CENPW: variants seen among roughly 807,000 people sequenced by gnomAD.
CENPW encodes centromere protein W.
Under a neutral mutation model 11.1 loss-of-function variants are expected in CENPW, and 3 were observed. That is an observed-to-expected ratio of 0.27 (90% CI 0.12 to 0.70). The LOEUF is 0.70. CENPW is among the 30% of genes least tolerant of loss of function. CENPW has a pLI of 0.77. For synonymous variants in CENPW, 38 were observed against 42.0 expected, an observed-to-expected ratio of 0.91 and a Z score of 0.37; for missense variants, 100 against 105.6, an observed-to-expected ratio of 0.95 and a Z score of 0.23.
At chr6:126,350,313 A>G (rs866113900), downstream of CENPW, among the ~76,000 whole-genome samples, 1 of 152,056 alleles carries the variant, frequency 6.6e-6, no homozygotes, top group Admixed American at 6.6e-5. Flanking sequence ...CACAGTTTTG[A>G]TGGGCGGAAG....
chr6:126,370,608 AATT>A, the CENPW span, among the ~76,000 whole-genome samples: 57 of 152,072 alleles, frequency 3.7e-4, no homozygotes, highest in African/African-American at 1.4e-3. Context: ...TGTGTACATT[AATT>A]GTGTATCCTG....
At chr6:126,471,466 C>G in the CENPW span, among the ~76,000 whole-genome samples, 1 of 152,136 alleles carries the variant, frequency 6.6e-6, no homozygotes, top group Non-Finnish European at 1.5e-5. Context: ...AATAAATACA[C>G]TATGTATCCT....
chr6:126,387,893 T>C, the CENPW span, among the ~76,000 whole-genome samples: 1 of 151,994 alleles, frequency 6.6e-6, no homozygotes, highest in African/African-American at 2.4e-5. Flanking sequence ...TCCTGAATTC[T>C]AGACCTTATG....
At chr6:126,451,949 C>A in the CENPW span, among the ~76,000 whole-genome samples, 2 of 150,586 alleles carry the variant, frequency 1.3e-5, no homozygotes, top group Non-Finnish European at 3.0e-5. Context: ...AATAACTATA[C>A]GAAAGACTTT....
At chr6:126,373,945 C>T in the CENPW span, among the ~76,000 whole-genome samples, 22 of 152,196 alleles carry the variant, frequency 1.4e-4, no homozygotes, top group African/African-American at 4.8e-4. Flanking sequence ...TACCACATTG[C>T]CTGATTAGTG....
chr6:126,444,734 C>T, the CENPW span, among the ~76,000 whole-genome samples: 1 of 151,116 alleles, frequency 6.6e-6, no homozygotes, highest in Non-Finnish European at 1.5e-5. Context: ...TGGCATGCCT[C>T]TATTATCTAC....
the CENPW span, among the ~76,000 whole-genome samples, chr6:126,477,653 C>T: frequency 2.7e-3 from 410 of 151,980 alleles, no homozygotes; most frequent in Non-Finnish European, 4.8e-3. Flanking sequence ...AACCCTGAAA[C>T]CCAAAGAGTA....
the CENPW span, among the ~76,000 whole-genome samples, chr6:126,475,401 AT>A: frequency 2.0e-5 from 3 of 151,982 alleles, no homozygotes; most frequent in African/African-American, 2.4e-5. Flanking sequence ...ATAGATACAA[AT>A]TTTTTTAAAA....
At chr6:126,368,386 G>C in the CENPW span, among the ~76,000 whole-genome samples, 1 of 152,214 alleles carries the variant, frequency 6.6e-6, no homozygotes, top group African/African-American at 2.4e-5. Flanking sequence ...AGGAGAAGCA[G>C]ACACCGGGTA....
chr6:126,366,952 A>G, the CENPW span, among the ~76,000 whole-genome samples: 1 of 152,154 alleles, frequency 6.6e-6, no homozygotes, highest in Non-Finnish European at 1.5e-5. Context: ...GATAATTGCC[A>G]TTAATTGTTT....
At chr6:126,349,868 A>G (rs1013490577), downstream of CENPW, among the ~76,000 whole-genome samples, 2 of 151,840 alleles carry the variant, frequency 1.3e-5, no homozygotes, top group Non-Finnish European at 2.9e-5. Context: ...ATTTTTTTTA[A>G]AAGACTGAAT....
chr6:126,382,281 T>TA, the CENPW span, among the ~76,000 whole-genome samples: 8 of 151,600 alleles, frequency 5.3e-5, no homozygotes, highest in African/African-American at 1.7e-4. Flanking sequence ...TAAATGGGAT[T>TA]AAAAAATATC....
At chr6:126,345,929 C>T (rs1315538180) in intron 1 of CENPW, among the ~76,000 whole-genome samples, 1 of 152,078 alleles carries the variant, frequency 6.6e-6, no homozygotes, top group African/African-American at 2.4e-5. Context: ...GCGAATCTTA[C>T]ATACGTTTTG....
At chr6:126,350,550 A>G (rs1037889673), downstream of CENPW, among the ~76,000 whole-genome samples, 2 of 152,128 alleles carry the variant, frequency 1.3e-5, no homozygotes, top group African/African-American at 4.8e-5. Context: ...TTAGATTTCA[A>G]TGTAAGAATT....
the CENPW span, among the ~76,000 whole-genome samples, chr6:126,408,826 T>G: frequency 6.6e-6 from 1 of 152,248 alleles, no homozygotes; most frequent in East Asian, 1.9e-4. Context: ...TTATAATTTT[T>G]TTGTTTCTAA....
the CENPW span, among the ~76,000 whole-genome samples, chr6:126,426,696 A>C: frequency 6.6e-6 from 1 of 152,158 alleles, no homozygotes; most frequent in Non-Finnish European, 1.5e-5. Flanking sequence ...CTCTACTGTT[A>C]CCTCAAACAA....
the CENPW span, among the ~76,000 whole-genome samples, chr6:126,401,734 A>C: frequency 6.6e-6 from 1 of 151,948 alleles, no homozygotes; most frequent in East Asian, 1.9e-4. Context: ...TGAATCCGTC[A>C]CCAAGCCCTG....
the CENPW span, among the ~76,000 whole-genome samples, chr6:126,381,739 C>T: frequency 2.0e-5 from 3 of 152,240 alleles, no homozygotes; most frequent in South Asian, 4.1e-4. Context: ...GCTGGCACCG[C>T]CCATCATAGT....
At chr6:126,345,551 T>G (rs1000893666) in intron 1 of CENPW, among the ~76,000 whole-genome samples, 16 of 152,088 alleles carry the variant, frequency 1.1e-4, no homozygotes, top group Admixed American at 2.0e-4. Context: ...TACATAACTA[T>G]ATTTTTTTAA....
Sources: gnomAD v4.1 joint callset for allele counts (sites outside exome capture counted in the v4.1 genomes callset) on GRCh38, gnomAD v4.1.1 for gene constraint, MANE v1.5 for transcripts, NCBI Gene and HGNC (gene_info 2026-07-23, HGNC 2026-07-21) for gene names.